UBN1: variants seen among roughly 807,000 people sequenced by gnomAD.
The protein encoded by UBN1 is ubinuclein-1.
In UBN1, 17 loss-of-function variants were observed where a neutral mutation model predicts 108.5. The observed-to-expected ratio is 0.16, with a 90% CI of 0.11 to 0.24. The LOEUF is 0.24. Among genes scored for constraint, UBN1 ranks in the 10% least tolerant of loss-of-function variants. The pLI is 1.00. For synonymous variants in UBN1, 726 were observed against 564.2 expected (o/e 1.29, Z -4.07); for missense variants, 1,595 against 1,394.4 (o/e 1.14, Z -2.29).
rs1269670740 is a variant in UBN1, at chr16:4,847,642, C to T, written c.-608C>T. On this transcript the variant is annotated 5_prime_UTR_variant, in exon 1 of 18. Coordinates refer to ENST00000262376, the MANE Select transcript of UBN1 (RefSeq NM_001079514.3). ...CGCGCCCCTCCCCTCTCGGCGCTTC[C>T]GTTACGCCCGTTGGTCCGGCGCGGG... The T allele has an allele frequency of 4.2e-6, 1 of 237,408 alleles. No homozygotes were observed. Among genetic ancestry groups the T allele is most frequent in the African/African-American group, 2.3e-5 (1 of 43,000 alleles). 14.7% of individuals were successfully genotyped at this position (237,408 alleles called of 1,614,324 possible).
At chr16:4,876,788 G>A (rs1476452995) in intron 15 of UBN1, 83 bp from the exon 16 acceptor site, 2 of 1,517,136 alleles carry the variant, frequency 1.3e-6, no homozygotes, top group East Asian at 2.3e-5. Flanking sequence ...CACACAAGGA[G>A]GATCCTTTGT....
chr16:4,867,389 T>C (rs2087387770), intron 7 of UBN1, among the ~76,000 whole-genome samples: 1 of 149,002 alleles, frequency 6.7e-6, no homozygotes, highest in African/African-American at 2.5e-5. Flanking sequence ...ATGCTAAATC[T>C]GTGTATAGAG....
intron 17 of UBN1, among the ~76,000 whole-genome samples, chr16:4,878,840 A>G (rs1360547860): frequency 6.6e-6 from 1 of 152,146 alleles, no homozygotes; most frequent in Admixed American, 6.5e-5. Flanking sequence ...GCAAGACCCT[A>G]TCTCTACATT....
chr16:4,858,487 C>G (rs2086909300), intron 3 of UBN1, 81 bp from the exon 4 acceptor site: 1 of 1,282,452 alleles, frequency 7.8e-7, no homozygotes, highest in Non-Finnish European at 1.1e-6. Context: ...CTCTTTGAGT[C>G]ATAGCTGATG....
intron 12 of UBN1, chr16:4,872,287 A>G: frequency 5.1e-6 from 5 of 985,444 alleles, no homozygotes; most frequent in Non-Finnish European, 6.0e-6. Context: ...CTAGGCAATA[A>G]GGAAAGTGCT....
chr16:4,858,919 C>A, intron 4 of UBN1, 106 bp from the exon 5 acceptor site: 2 of 1,435,124 alleles, frequency 1.4e-6, no homozygotes, highest in South Asian at 1.3e-5. Flanking sequence ...TTAGCATGCT[C>A]TTGGAAGTGG....
In UBN1 at chr16:4,881,297, G is replaced by C. The variant is rs1211056342; in HGVS notation, c.*1165G>C. ...TTGAAGTCCTGGGGCTCTCCAGGCA[G>C]TGGGGTTATGTGTCGACTGAAGGGT... On this transcript the variant is annotated 3_prime_UTR_variant, in exon 18 of 18. Coordinates refer to ENST00000262376, the MANE Select transcript of UBN1 (RefSeq NM_001079514.3). 6.5e-6 allele frequency: 1 copy of C among 152,702 alleles called. No individual in the cohort carries two copies. The highest frequency in any genetic ancestry group is 1.5e-5 in the Non-Finnish European group (1 of 68,136). 9.5% of individuals were successfully genotyped at this position (152,702 alleles called of 1,614,324 possible).
Position 4,848,025 on chromosome 16 carries a change from G to C in UBN1, c.-225G>C, listed in dbSNP as rs1456613398. The C allele has an allele frequency of 6.6e-6, 1 of 152,616 alleles. No individual in the cohort carries two copies. The allele number at this position is 152,616 out of a possible 1,614,324, so 9.5% of individuals were successfully genotyped here. ...GCATTTCTTCGCTTCCTCCTGGGCC[G>C]GCGCGCGGCGCGGCACACCAGGCTC... On this transcript the variant is annotated 5_prime_UTR_variant, in exon 1 of 18. Transcript: ENST00000262376.
Position 4,880,093 on chromosome 16 carries a change from G to C in UBN1, c.3366G>C (p.Gln1122His), listed in dbSNP as rs767690144. ...HIPQSLPGAS[Q>H]LHGKGPAVPR... ...CTTACTCTTTTCCAGGTGCTTCTCA[G>C]CTTCACGGGAAAGGGCCTGCTGTAC... The change falls in exon 18 of 18, where the codon CAG becomes CAC. Residue 1122 changes from glutamine (Q) to histidine (H), a missense_variant. Physicochemically the swap from Gln to His is conservative, Grantham distance 24 (BLOSUM62 0). Around this residue, in one of 3 missense-constraint regions of UBN1, gnomAD observed 1,398 missense variants for 1,194.7 expected, o/e 1.17. Transcript: ENST00000262376. The C allele has an allele frequency of 2.5e-6, 4 of 1,614,020 alleles. No homozygotes were observed. In the Admixed American group the frequency reaches 5.0e-5, roughly 20 times the overall value.
chr16:4,872,912 C>T lies in UBN1; in HGVS notation c.1735C>T (p.His579Tyr), dbSNP rs1156857269. The change falls in exon 13 of 18, where the codon CAT (histidine) becomes TAT (tyrosine). Residue 579 changes from histidine (H) to tyrosine (Y), a missense_variant. Coordinates refer to ENST00000262376, the MANE Select transcript of UBN1 (RefSeq NM_001079514.3). Reference protein sequence around the residue: ...RTLFKESRRGHGHLTSILAKK... With the variant: ...RTLFKESRRGYGHLTSILAKK... ...TCTGTTTAAGGAGAGCAGACGAGGCCATGGGCACCTGACTTCAATCCTGTG... is the reference window on the plus strand; with the variant it reads ...TCTGTTTAAGGAGAGCAGACGAGGCTATGGGCACCTGACTTCAATCCTGTG... 2.5e-6 allele frequency: 4 copies of T among 1,614,220 alleles called. No individual in the cohort carries two copies. The highest frequency in any genetic ancestry group is 4.5e-5 in the East Asian group (2 of 44,888).
chr16:4,873,665 CTCCCACAATGTCCCAGACACACTGT>C (rs2087744679), intron 14 of UBN1, among the ~76,000 whole-genome samples: 1 of 152,182 alleles, frequency 6.6e-6, no homozygotes, highest in South Asian at 2.1e-4. Flanking sequence ...ATCTGTTGAG[CTCCCACAATGTCCCAGACACACTGT>C]ATTAAGCACC....
intron 1 of UBN1, among the ~76,000 whole-genome samples, chr16:4,850,730 A>G (rs2086519255): frequency 1.3e-5 from 2 of 152,242 alleles, no homozygotes; most frequent in African/African-American, 2.4e-5. Flanking sequence ...TTTTGTGATC[A>G]TAATTCGACA....
intron 1 of UBN1, among the ~76,000 whole-genome samples, chr16:4,848,775 G>T (rs186807988): frequency 6.6e-6 from 1 of 152,180 alleles, no homozygotes; most frequent in African/African-American, 2.4e-5. Flanking sequence ...AATTTGTGAG[G>T]AATTGAATGA....
At chr16:4,859,296 T>C in intron 5 of UBN1, 137 bp downstream of exon 5, 1 of 1,243,372 alleles carries the variant, frequency 8.0e-7, no homozygotes, top group Admixed American at 2.3e-5. Context: ...GCCAGGTTGA[T>C]GGCTCGCCTC....
rs1264179845 is a variant in UBN1, at chr16:4,859,136, G to A, written c.544G>A (p.Glu182Lys). ...ASESEDDFIK[E>K]KKKKSPKKRK... Reference sequence around the variant, plus strand: ...AGAGTCTGAAGATGACTTCATTAAAGAAAAGAAGAAAAAATCTCCAAAGGT... The same window carrying A: ...AGAGTCTGAAGATGACTTCATTAAAAAAAAGAAGAAAAAATCTCCAAAGGT... Residue 182 changes from glutamate to lysine, a missense_variant, in exon 5 of 18, where the codon GAA becomes AAA. Coordinates refer to ENST00000262376, the MANE Select transcript of UBN1 (RefSeq NM_001079514.3). The A allele has an allele frequency of 1.2e-6, 2 of 1,612,730 alleles. No individual in the cohort carries two copies. Among genetic ancestry groups the A allele is most frequent in the Non-Finnish European group, 1.7e-6 (2 of 1,179,714 alleles).
chr16:4,879,713 CTT>C (rs1198610699), intron 17 of UBN1, among the ~76,000 whole-genome samples: 1 of 152,206 alleles, frequency 6.6e-6, no homozygotes. Context: ...ACCTGAGGGT[CTT>C]TTGATGGTAA....
chr16:4,881,594 C>T lies in UBN1; in HGVS notation c.*1462C>T, dbSNP rs947333764. 3 of 152,186 alleles carry T rather than the reference C, an allele frequency of 2.0e-5. No homozygotes were observed. Among genetic ancestry groups the T allele is most frequent in the African/African-American group, 7.2e-5 (3 of 41,430 alleles). 9.4% of individuals were successfully genotyped at this position (152,186 alleles called of 1,614,324 possible). The stretch of plus-strand genomic sequence containing the variant: ...CAGGGTACAGCGCCCAGTAACTCAT[C>T]CTTCATTCAGAGGTTTGCTGGCCTT... On this transcript the variant is annotated 3_prime_UTR_variant, in exon 18 of 18. Coordinates refer to ENST00000262376, the MANE Select transcript of UBN1 (RefSeq NM_001079514.3).
chr16:4,848,123 C>G lies in UBN1; in HGVS notation c.-127C>G, dbSNP rs991095548. 6 of 152,096 alleles carry G rather than the reference C, an allele frequency of 3.9e-5. No individual in the cohort carries two copies. Among genetic ancestry groups the G allele is most frequent in the African/African-American group, 1.4e-4 (6 of 41,422 alleles). The allele number at this position is 152,096 out of a possible 1,614,324, so 9.4% of individuals were successfully genotyped here. A position where few individuals can be genotyped will look rare whatever the true frequency, so the allele number is the denominator to read the frequency against. ...CCGCTGGGAGCCACGGCTTAGCAGC[C>G]GACCGCTAGCTGCGCCGCCGCCCGG... On this transcript the variant is annotated 5_prime_UTR_variant, in exon 1 of 18. Coordinates refer to ENST00000262376, the MANE Select transcript of UBN1 (RefSeq NM_001079514.3).
At position 4,858,020 on chromosome 16, in the gene UBN1, G is replaced by A. The variant is rs976017536; in HGVS notation, c.280G>A (p.Glu94Lys). Reference sequence around the variant, plus strand: ...AGATCTGTCAGATCCTTTCAATGACGAAGAAAAGGAAAGGCATAAAGTAGA... The same window carrying A: ...AGATCTGTCAGATCCTTTCAATGACAAAGAAAAGGAAAGGCATAAAGTAGA... The part of the protein sequence containing the change: ...KKDLSDPFND[E>K]EKERHKVEAL... The change falls in exon 3 of 18, where the codon GAA becomes AAA. Residue 94 changes from glutamate to lysine, a missense_variant. Glu to Lys is a moderately conservative substitution (Grantham distance 56). Coordinates refer to ENST00000262376, the MANE Select transcript of UBN1 (RefSeq NM_001079514.3). The A allele has an allele frequency of 1.1e-5, 18 of 1,613,110 alleles. No individual in the cohort carries two copies. The highest frequency in any genetic ancestry group is 8.4e-5 in the Admixed American group (5 of 59,810).
Sources: gnomAD v4.1 joint callset for allele counts (sites outside exome capture counted in the v4.1 genomes callset) on GRCh38, gnomAD v4.1.1 for gene constraint, gnomAD v4.1.1 regional missense constraint, MANE v1.5 for transcripts, NCBI Gene and HGNC (gene_info 2026-07-23, HGNC 2026-07-21) for gene names.